Variants in RYR3 observed in about 807,000 individuals in gnomAD.
RYR3 encodes brain ryanodine receptor-calcium release channel.
RYR3 carries 207 observed loss-of-function variants against 584.3 expected under a neutral mutation model. That is an observed-to-expected ratio of 0.35 (90% confidence interval 0.32 to 0.40). RYR3 has a LOEUF of 0.40. Ranked by LOEUF, RYR3 falls within the 10% of genes least tolerant of loss-of-function variation. The pLI is 1.00. For synonymous variants in RYR3, 2,416 were observed against 2,248.5 expected, an observed-to-expected ratio of 1.07 and a Z score of -2.11; for missense variants, 5,616 against 6,089.2, an observed-to-expected ratio of 0.92 and a Z score of 2.59.
At chr15:33,688,587 A>AAAAAAG (rs1555409636) in intron 38 of RYR3, among the ~76,000 whole-genome samples, 42 of 151,906 alleles carry the variant, frequency 2.8e-4, no homozygotes, top group African/African-American at 9.7e-4. Flanking sequence ...AAAAAAAAAA[A>AAAAAAG]AAAAGACATT....
At position 33,532,582 on chromosome 15, in the gene RYR3, A is replaced by ACATTC. The variant is rs547951907; in HGVS notation, c.355-728_355-724dup. On this transcript the variant is annotated intron_variant, in intron 4 of 103. Coordinates refer to ENST00000634891, the MANE Select transcript of RYR3 (RefSeq NM_001036.6). The stretch of plus-strand genomic sequence containing the variant: ...TGTAAATAATGTTCCAGGCTCTTAC[A>ACATTC]CATTCTTGATAAATACTCAATAACA... Among the ~76,000 whole-genome samples, 18 of 152,066 alleles carry ACATTC rather than the reference A, an allele frequency of 1.2e-4. No homozygotes were observed. In the East Asian group the frequency reaches 3.5e-3, roughly 29 times the overall value.
intron 1 of RYR3, among the ~76,000 whole-genome samples, chr15:33,387,345 C>A (rs1405704352): frequency 6.6e-6 from 1 of 152,036 alleles, no homozygotes; most frequent in African/African-American, 2.4e-5. Flanking sequence ...TGGGTAGATA[C>A]CCAGAAGTGG....
At chr15:33,443,270 A>C (rs954904) in intron 1 of RYR3, among the ~76,000 whole-genome samples, 1 of 151,164 alleles carries the variant, frequency 6.6e-6, no homozygotes, top group African/African-American at 2.4e-5. Context: ...AAAAAAAAAA[A>C]AAAACCCTGC....
At chr15:33,382,794 A>G (rs2041297249) in intron 1 of RYR3, among the ~76,000 whole-genome samples, 1 of 152,230 alleles carries the variant, frequency 6.6e-6, no homozygotes, top group Non-Finnish European at 1.5e-5. Context: ...ATTTTGTGGT[A>G]CTGTTAATAG....
At chr15:33,565,523 G>A (rs1158511162) in intron 11 of RYR3, among the ~76,000 whole-genome samples, 1 of 152,148 alleles carries the variant, frequency 6.6e-6, no homozygotes, top group African/African-American at 2.4e-5. Flanking sequence ...AGGAAAGTAA[G>A]TTGTTTCTTT....
chr15:33,768,589 G>A, intron 60 of RYR3, 69 bp from the exon 61 acceptor site: 1 of 1,309,540 alleles, frequency 7.6e-7, no homozygotes, highest in Non-Finnish European at 1.1e-6. Flanking sequence ...GGGACATTGG[G>A]GTGGGGGATA....
intron 1 of RYR3, among the ~76,000 whole-genome samples, chr15:33,368,404 T>C (rs1975815642): frequency 1.4e-5 from 2 of 147,484 alleles, no homozygotes; most frequent in South Asian, 4.5e-4. Context: ...ATAACTAGTC[T>C]GCTTCTCTTC....
chr15:33,670,636 G>T, intron 38 of RYR3, 80 bp downstream of exon 38: 2 of 1,366,458 alleles, frequency 1.5e-6, no homozygotes, highest in Non-Finnish European at 2.0e-6. Flanking sequence ...AATACTGTAA[G>T]ATAGATAGGG....
rs183792071 is a variant in RYR3 at position 33,644,304 on chromosome 15, T to G, written c.3557-7T>G. On this transcript the variant is annotated splice_polypyrimidine_tract_variant and splice_region_variant and intron_variant, in intron 27 of 103. Transcript: ENST00000634891. ...GGCTAAAGCAGGTCTCTCTAACTCT[T>G]CTGCAGGCTTCGTGCCCATCTGCTG... The G allele has an allele frequency of 1.3e-4, 203 of 1,604,910 alleles. 2 individuals are homozygous for G. The African/African-American group carries it at 2.4e-3, about 19-fold the overall frequency.
intron 38 of RYR3, among the ~76,000 whole-genome samples, chr15:33,692,120 A>G (rs904951593): frequency 6.6e-6 from 1 of 152,206 alleles, no homozygotes; most frequent in African/African-American, 2.4e-5. Context: ...AATTACTTTA[A>G]TCATCAGATA....
chr15:33,693,664 C>T (rs1297011608), intron 38 of RYR3, among the ~76,000 whole-genome samples: 4 of 152,238 alleles, frequency 2.6e-5, no homozygotes, highest in Admixed American at 1.3e-4. Flanking sequence ...CCACACACAT[C>T]TGGTGGTGAG....
chr15:33,659,750 G>C lies in RYR3; in HGVS notation c.4339G>C (p.Val1447Leu). The C allele has an allele frequency of 1.2e-6, 2 of 1,613,338 alleles. No individual in the cohort carries two copies. Among genetic ancestry groups the C allele is most frequent in the Non-Finnish European group, 1.7e-6 (2 of 1,179,298 alleles). ...GCCTAATACCAAAGTGTTTCCAGCAGTCTTCCTGCAGCCTACAAGTACTTC... is the reference window on the plus strand; with the variant it reads ...GCCTAATACCAAAGTGTTTCCAGCACTCTTCCTGCAGCCTACAAGTACTTC... ...VEPNTKVFPA[V>L]FLQPTSTSLF... Residue 1447 changes from valine to leucine, a missense_variant, in exon 33 of 104, where the codon GTC (valine) becomes CTC (leucine). Transcript: ENST00000634891.
At chr15:33,391,286 C>T (rs528903187) in intron 1 of RYR3, among the ~76,000 whole-genome samples, 1 of 152,264 alleles carries the variant, frequency 6.6e-6, no homozygotes, top group Admixed American at 6.5e-5. Flanking sequence ...AGTAATTTTA[C>T]TTTTGAACAA....
chr15:33,465,848 G>A (rs936342617), intron 1 of RYR3: 14 of 513,370 alleles, frequency 2.7e-5, no homozygotes, highest in Admixed American at 3.9e-5. Context: ...GAGAAGGAAA[G>A]GAATCACATG....
intron 11 of RYR3, 93 bp downstream of exon 11, chr15:33,563,103 T>G: frequency 2.0e-6 from 2 of 980,232 alleles, no homozygotes. Context: ...TGGACATGAT[T>G]GTGATTTACT....
intron 67 of RYR3, among the ~76,000 whole-genome samples, chr15:33,798,850 TAAGAG>T (rs2075767640): frequency 6.6e-6 from 1 of 152,180 alleles, no homozygotes; most frequent in African/African-American, 2.4e-5. Flanking sequence ...ATTCAGGAGA[TAAGAG>T]AAGGATCCCA....
chr15:33,815,006 G>T (rs967794410), intron 74 of RYR3, among the ~76,000 whole-genome samples: 39 of 150,736 alleles, frequency 2.6e-4, no homozygotes, highest in Admixed American at 9.9e-4. Flanking sequence ...GGAGGCGGAG[G>T]TTGCAGTGAA....
intron 4 of RYR3, among the ~76,000 whole-genome samples, chr15:33,532,457 G>A (rs1273802021): frequency 3.3e-5 from 5 of 152,198 alleles, no homozygotes; most frequent in Admixed American, 2.6e-4. Context: ...TTTCATTTTT[G>A]TGTAATTCCT....
At chr15:33,476,770 G>A (rs1040029936) in intron 2 of RYR3, among the ~76,000 whole-genome samples, 5 of 152,192 alleles carry the variant, frequency 3.3e-5, no homozygotes, top group African/African-American at 1.2e-4. Context: ...CCTTGCATGA[G>A]TGTGCCCCTT....
Sources: allele counts gnomAD v4.1 joint callset (sites outside exome capture counted in the v4.1 genomes callset), GRCh38; gene constraint gnomAD v4.1.1; transcripts MANE v1.5; gene names NCBI Gene and HGNC (gene_info 2026-07-23, HGNC 2026-07-21).